BFSP1: variants seen among roughly 807,000 people sequenced by gnomAD.
The protein encoded by BFSP1 is beaded filament structural protein 1, also known as filensin.
BFSP1 carries 38 observed loss-of-function variants against 43.9 expected under a neutral mutation model. The observed-to-expected ratio is 0.87, with a 90% CI of 0.67 to 1.14. The LOEUF (loss-of-function observed/expected upper bound fraction) is 1.14, where lower values mean the gene tolerates loss of function less well. Ranked by LOEUF, BFSP1 falls within the 50% of genes most tolerant of loss-of-function variation. The pLI is 0.00. For missense variants in BFSP1, 850 were observed against 875.1 expected, an observed-to-expected ratio of 0.97 and a Z score of 0.36; for synonymous variants, 352 against 354.8, an observed-to-expected ratio of 0.99 and a Z score of 0.09.
intron 1 of BFSP1, 70 bp downstream of exon 1, chr20:17,530,883 G>T (rs1025939718): frequency 7.6e-7 from 1 of 1,310,056 alleles, no homozygotes; most frequent in African/African-American, 1.5e-5. Context: ...TGGTAGCAGC[G>T]TGCTCCCAGC....
intron 1 of BFSP1, among the ~76,000 whole-genome samples, chr20:17,555,982 G>A (rs929752019): frequency 1.3e-5 from 2 of 152,106 alleles, no homozygotes; most frequent in Non-Finnish European, 2.9e-5. Context: ...TCAGTGGAGA[G>A]AATAGAGCAA....
In BFSP1 at chr20:17,558,684, TTACA is replaced by T; in HGVS notation, c.2_2+3del. On this transcript the variant is annotated splice_donor_variant and splice_donor_region_variant and coding_sequence_variant and intron_variant, in exon 1 of 8. Transcript: ENST00000377868. LOFTEE classifies it high-confidence loss of function. ...CAACACTTGCCGTTTATCAGAACAC[TTACA>T]TACTTTCTCCAGCATGGAGGCTCCT... 6.4e-7 allele frequency: 1 copy of T among 1,551,892 alleles called. No homozygotes were observed. The highest frequency in any genetic ancestry group is 8.7e-7 in the Non-Finnish European group (1 of 1,146,950).
chr20:17,544,061 G>T (rs1402123976), intron 1 of BFSP1, among the ~76,000 whole-genome samples: 1 of 152,164 alleles, frequency 6.6e-6, no homozygotes, highest in Non-Finnish European at 1.5e-5. Context: ...TCCGTGGCAA[G>T]GATTTGAGTA....
intron 4 of BFSP1, among the ~76,000 whole-genome samples, chr20:17,511,557 AC>A (rs2034079963): frequency 6.6e-6 from 1 of 152,190 alleles, no homozygotes; most frequent in African/African-American, 2.4e-5. Flanking sequence ...AATTAAAACC[AC>A]CACCATTAGA....
In BFSP1 at chr20:17,496,979, T is replaced by TG; in HGVS notation, c.1000dup (p.Gln334ProfsTer72). 6.5e-7 allele frequency: 1 copy of TG among 1,545,828 alleles called. No individual in the cohort carries two copies. The highest frequency in any genetic ancestry group is 8.7e-7 in the Non-Finnish European group (1 of 1,145,748). ...AGTGCTGAGAGAGACTCCATGGCTC[T>TG]GGGTGAACAGGGGAATGGGAGTTTC... On this transcript the variant is annotated frameshift_variant, in exon 7 of 8. Coordinates refer to ENST00000377873, the MANE Select transcript of BFSP1 (RefSeq NM_001195.5). LOFTEE classifies it low-confidence loss of function (END_TRUNC).
intron 5 of BFSP1, among the ~76,000 whole-genome samples, chr20:17,504,655 GGA>G (rs1051368359): frequency 6.6e-6 from 1 of 152,234 alleles, no homozygotes; most frequent in Non-Finnish European, 1.5e-5. Flanking sequence ...GGAGGGGTCA[GGA>G]GACGAAGAGA....
chr20:17,497,102 GA>G, intron 6 of BFSP1, 79 bp from the exon 7 acceptor site: 13 of 1,189,700 alleles, frequency 1.1e-5, no homozygotes, highest in East Asian at 2.8e-5. Flanking sequence ...GAGCAAAAAT[GA>G]AAAAAAAGCT....
chr20:17,517,772 T>A (rs2034233713), intron 2 of BFSP1, among the ~76,000 whole-genome samples: 1 of 152,234 alleles, frequency 6.6e-6, no homozygotes, highest in African/African-American at 2.4e-5. Flanking sequence ...CTGCTGTGTA[T>A]TTTACACTCA....
upstream of BFSP1, chr20:17,531,496 G>A: frequency 9.7e-7 from 1 of 1,032,208 alleles, no homozygotes; most frequent in Non-Finnish European, 1.2e-6. Context: ...CGCGGGAGAA[G>A]AAAAGAGCAG....
chr20:17,532,691 T>G (rs957933040), upstream of BFSP1, among the ~76,000 whole-genome samples: 3 of 151,720 alleles, frequency 2.0e-5, no homozygotes, highest in Non-Finnish European at 4.4e-5. Context: ...ATATAATTAA[T>G]AGCTAGACTT....
At position 17,493,939 on chromosome 20, in the gene BFSP1, T is replaced by C; in HGVS notation, c.*135A>G. On this transcript the variant is annotated 3_prime_UTR_variant, in exon 8 of 8. Transcript: ENST00000377873. ...AGAAAACATTTTAATGAAGGCTTCG[T>C]TGGCAATGCCAGATGGGTCAACTAT... The C allele has an allele frequency of 1.2e-6, 1 of 807,176 alleles. No homozygotes were observed. The highest frequency in any genetic ancestry group is 1.9e-6 in the Non-Finnish European group (1 of 515,740). The allele number at this position is 807,176 out of a possible 1,614,324, so 50.0% of individuals were successfully genotyped here.
intron 1 of BFSP1, among the ~76,000 whole-genome samples, chr20:17,567,569 T>C (rs1470785929): frequency 6.6e-6 from 1 of 152,058 alleles, no homozygotes; most frequent in Non-Finnish European, 1.5e-5. Context: ...TTATTAAGAT[T>C]TGAGAGGTGG....
At chr20:17,552,155 G>C (rs771193011) in intron 1 of BFSP1, among the ~76,000 whole-genome samples, 5 of 152,172 alleles carry the variant, frequency 3.3e-5, no homozygotes, top group Non-Finnish European at 7.3e-5. Flanking sequence ...TGGGAGGATG[G>C]TGGGGCATCT....
intron 1 of BFSP1, chr20:17,565,626 G>A (rs2035110037): frequency 6.6e-6 from 1 of 152,136 alleles, no homozygotes; most frequent in Non-Finnish European, 1.5e-5. Context: ...CAATAAAAAC[G>A]AAACACAAAA....
chr20:17,535,247 C>A (rs1309745244), upstream of BFSP1, among the ~76,000 whole-genome samples: 1 of 152,014 alleles, frequency 6.6e-6, no homozygotes, highest in Non-Finnish European at 1.5e-5. Flanking sequence ...TCTGAGGGCT[C>A]AGGCTGGGCA....
At chr20:17,504,074 GTGTT>G (rs1294385170) in intron 5 of BFSP1, among the ~76,000 whole-genome samples, 1 of 152,136 alleles carries the variant, frequency 6.6e-6, no homozygotes, top group African/African-American at 2.4e-5. Context: ...GTGTGCATTT[GTGTT>G]TGTTTGAAGA....
chr20:17,549,700 G>A (rs2034865133), intron 1 of BFSP1, among the ~76,000 whole-genome samples: 1 of 152,080 alleles, frequency 6.6e-6, no homozygotes, highest in Admixed American at 6.6e-5. Flanking sequence ...GCCTGGCGTG[G>A]TGGCACACAC....
chr20:17,509,298 G>A lies in BFSP1; in HGVS notation c.628-302C>T, dbSNP rs73599750. ...CGTGAGACACAGCAAGAAGGCAGCCGTCTTCAAGCCAGAAAGAGAGCCCTC... is the reference window on the plus strand; with the variant it reads ...CGTGAGACACAGCAAGAAGGCAGCCATCTTCAAGCCAGAAAGAGAGCCCTC... On this transcript the variant is annotated intron_variant, in intron 4 of 7. Coordinates refer to ENST00000377873, the MANE Select transcript of BFSP1 (RefSeq NM_001195.5). 0.035 allele frequency among the ~76,000 whole-genome samples: 4,731 copies of A among 135,310 alleles called. 190 individuals are homozygous for A. Among genetic ancestry groups the A allele is most frequent in the South Asian group, 0.12 (483 of 3,924 alleles). 88.8% of individuals were successfully genotyped at this position (135,310 alleles called of 152,430 possible). A position where few individuals can be genotyped will look rare whatever the true frequency, so the allele number is the denominator to read the frequency against.
At chr20:17,554,618 T>G (rs1430835359) in intron 1 of BFSP1, among the ~76,000 whole-genome samples, 20 of 152,198 alleles carry the variant, frequency 1.3e-4, no homozygotes, top group Admixed American at 1.3e-3. Context: ...TTAAAGGATA[T>G]CTGCCAGAAG....
Sources: gnomAD v4.1 joint callset for allele counts (sites outside exome capture counted in the v4.1 genomes callset) on GRCh38, gnomAD v4.1.1 for gene constraint, MANE v1.5 for transcripts, NCBI Gene and HGNC (gene_info 2026-07-23, HGNC 2026-07-21) for gene names.